Variants in ITSN2 observed in about 807,000 individuals in gnomAD.
The protein encoded by ITSN2 is intersectin 2.
Under a neutral mutation model 243.7 loss-of-function variants are expected in ITSN2, and 156 were observed. The ratio of observed to expected loss-of-function variants is 0.64; its 90% CI spans 0.56 to 0.73. ITSN2 has a LOEUF of 0.73. ITSN2 is among the 30% of genes least tolerant of loss of function. The pLI, the probability that ITSN2 is intolerant of heterozygous loss-of-function variation, is 0.00. For missense variants in ITSN2, 1,801 were observed against 1,996.1 expected (o/e 0.90, Z 1.86); for synonymous variants, 703 against 699.9 (o/e 1.00, Z -0.07).
At chr2:24,310,208 G>A (rs1683079289) in intron 7 of ITSN2, 76 bp downstream of exon 7, 1 of 985,318 alleles carries the variant, frequency 1.0e-6, no homozygotes, top group African/African-American at 1.6e-5. Flanking sequence ...TAAGCTCAAA[G>A]CTTTAAAAAA....
chr2:24,298,950 C>A, intron 12 of ITSN2, 136 bp from the exon 13 acceptor site: 1 of 598,074 alleles, frequency 1.7e-6, no homozygotes, highest in Non-Finnish European at 2.7e-6. Flanking sequence ...CTAGGCAAAT[C>A]TAGTTTTATT....
chr2:24,223,844 GAAAAAGAAAGAAAGAAAGGAAAGAAAGA>G (rs1353972380), intron 29 of ITSN2, among the ~76,000 whole-genome samples: 13 of 134,882 alleles, frequency 9.6e-5, no homozygotes, highest in Non-Finnish European at 1.6e-4. Context: ...AAAGAAACAA[GAAAAAGAAAGAAAGAAAGGAAAGAAAGA>G]AAAAAAAGAA....
rs1024937792 is a variant in ITSN2, at chr2:24,205,303, A to G, written c.4679-6T>C. The G allele has an allele frequency of 6.2e-7, 1 of 1,612,328 alleles. No homozygotes were observed. ...TGAAGTCTTTTGGGAGCGGGCTACA[A>G]AAGAGGAAGACAAGTCTCATTAATC... On this transcript the variant is annotated splice_polypyrimidine_tract_variant and splice_region_variant and intron_variant, in intron 37 of 39. Transcript: ENST00000355123.
intron 1 of ITSN2, among the ~76,000 whole-genome samples, chr2:24,335,705 C>T (rs1686288377): frequency 6.6e-6 from 1 of 151,716 alleles, no homozygotes; most frequent in African/African-American, 2.4e-5. Flanking sequence ...AGTGCGCCAT[C>T]TTGGCTCACT....
At chr2:24,305,367 C>T (rs1056699012) in intron 8 of ITSN2, among the ~76,000 whole-genome samples, 1 of 151,918 alleles carries the variant, frequency 6.6e-6, no homozygotes, top group African/African-American at 2.4e-5. Context: ...TTTGGGAGAC[C>T]AAGGCGGGCG....
chr2:24,288,006 G>T (rs903018124), intron 15 of ITSN2, among the ~76,000 whole-genome samples: 2 of 151,970 alleles, frequency 1.3e-5, no homozygotes, highest in African/African-American at 2.4e-5. Context: ...CATCTTGATT[G>T]TTTCCTTTAC....
At chr2:24,227,153 T>C (rs1215010376) in intron 29 of ITSN2, among the ~76,000 whole-genome samples, 2 of 151,774 alleles carry the variant, frequency 1.3e-5, no homozygotes, top group Non-Finnish European at 2.9e-5. Flanking sequence ...AACACAAAAA[T>C]TGGTCACTAG....
At chr2:24,356,998 G>A (rs1688507815) in intron 1 of ITSN2, among the ~76,000 whole-genome samples, 1 of 152,172 alleles carries the variant, frequency 6.6e-6, no homozygotes. Context: ...CAAGTCTGTG[G>A]CGAAATGGAA....
intron 4 of ITSN2, 93 bp downstream of exon 4, chr2:24,313,367 T>C (rs1346913685): frequency 1.3e-5 from 13 of 971,160 alleles, no homozygotes; most frequent in South Asian, 3.1e-5. Flanking sequence ...TAATAACCAA[T>C]AGAATGCAAC....
At chr2:24,329,373 C>T (rs1419343580) in intron 1 of ITSN2, among the ~76,000 whole-genome samples, 1 of 152,210 alleles carries the variant, frequency 6.6e-6, no homozygotes, top group Non-Finnish European at 1.5e-5. Flanking sequence ...GATTCTCCAG[C>T]CTCAGCCTCC....
chr2:24,302,046 G>T lies in ITSN2; in HGVS notation c.914C>A (p.Ala305Glu). Residue 305 changes from alanine (A) to glutamate (E), a missense_variant, in exon 10 of 40, where the codon GCA (alanine) becomes GAA (glutamate). By Grantham distance (107) the Ala-to-Glu change is moderately radical (BLOSUM62 -1). This residue lies in a region of ITSN2 where 787 missense variants were observed against 803.9 expected (regional missense o/e 0.98). Coordinates refer to ENST00000355123, the MANE Select transcript of ITSN2 (RefSeq NM_006277.3). Reference sequence around the variant, plus strand: ...TTTGGCCATGTCAGTAAGGTGCATTGCAAGAATAAACTCTTCTGCTTTTAG... The same window carrying T: ...TTTGGCCATGTCAGTAAGGTGCATTTCAAGAATAAACTCTTCTGCTTTTAG... ...GQLKAEEFILAMHLTDMAKAG... is the reference protein window; with the variant it reads ...GQLKAEEFILEMHLTDMAKAG... 6.2e-7 allele frequency: 1 copy of T among 1,612,592 alleles called. No homozygotes were observed. Among genetic ancestry groups the T allele is most frequent in the Non-Finnish European group, 8.5e-7 (1 of 1,178,924 alleles).
chr2:24,315,983 C>G (rs1404864118), intron 2 of ITSN2, among the ~76,000 whole-genome samples: 1 of 152,060 alleles, frequency 6.6e-6, no homozygotes, highest in Non-Finnish European at 1.5e-5. Flanking sequence ...GTTAGAAGCA[C>G]CAAGGATGAG....
At chr2:24,320,525 C>CAAAAAAA (rs113637557) in intron 2 of ITSN2, among the ~76,000 whole-genome samples, 8 of 41,520 alleles carry the variant, frequency 1.9e-4, no homozygotes, top group South Asian at 1.3e-3. Flanking sequence ...GACTCCGTCT[C>CAAAAAAA]AAAAAAAAAA....
rs530085175 is a variant in ITSN2 at position 24,304,491 on chromosome 2, A to T, written c.794-629T>A. 1.2e-4 allele frequency among the ~76,000 whole-genome samples: 19 copies of T among 152,244 alleles called. No individual in the cohort carries two copies. The East Asian group carries it at 3.1e-3, about 25-fold the overall frequency. On this transcript the variant is annotated intron_variant, in intron 8 of 39. Transcript: ENST00000355123. ...ATAACTTTTAAAATATTTTCATTCT[A>T]TTTTTTTAATCTGGACATTTAACAT...
chr2:24,233,148 G>A (rs944374486), intron 29 of ITSN2, among the ~76,000 whole-genome samples: 19 of 152,046 alleles, frequency 1.2e-4, no homozygotes, highest in Admixed American at 4.6e-4. Context: ...TGGGCAATAC[G>A]GGTTTCATAT....
intron 1 of ITSN2, among the ~76,000 whole-genome samples, chr2:24,346,423 A>G (rs1687537005): frequency 6.6e-6 from 1 of 152,188 alleles, no homozygotes; most frequent in African/African-American, 2.4e-5. Flanking sequence ...AAACTGTCAA[A>G]GTCATCAAAA....
intron 18 of ITSN2, among the ~76,000 whole-genome samples, chr2:24,275,009 C>A (rs1275506096): frequency 6.6e-6 from 1 of 152,186 alleles, no homozygotes; most frequent in Non-Finnish European, 1.5e-5. Flanking sequence ...TGTCTTACTT[C>A]TCCTTACTAT....
At chr2:24,223,922 C>G (rs1029878093) in intron 29 of ITSN2, among the ~76,000 whole-genome samples, 2 of 151,952 alleles carry the variant, frequency 1.3e-5, no homozygotes, top group African/African-American at 4.8e-5. Flanking sequence ...AATCATAATG[C>G]CACTGTCATG....
chr2:24,317,425 A>T (rs144074545), intron 2 of ITSN2, among the ~76,000 whole-genome samples: 106 of 152,108 alleles, frequency 7.0e-4, no homozygotes, highest in Admixed American at 1.6e-3. Flanking sequence ...TCTGAGGGAA[A>T]CCTTTATGCA....
Sources: allele counts gnomAD v4.1 joint callset (sites outside exome capture counted in the v4.1 genomes callset), GRCh38; gene constraint gnomAD v4.1.1; regional missense constraint gnomAD v4.1.1; transcripts MANE v1.5; gene names NCBI Gene and HGNC (gene_info 2026-07-23, HGNC 2026-07-21).